LSM8: variants seen among roughly 807,000 people sequenced by gnomAD.
LSM8 encodes the protein LSM8 U6 small nuclear RNA associated.
Under a neutral mutation model 15.0 loss-of-function variants are expected in LSM8, and 14 were observed. The ratio of observed to expected loss-of-function variants is 0.93; its 90% confidence interval spans 0.62 to 1.46. LSM8 has a LOEUF of 1.46. Ranked by LOEUF, LSM8 falls within the 40% of genes most tolerant of loss-of-function variation. The probability of loss-of-function intolerance (pLI) is 0.00; values close to 1 mark genes in which losing one functional copy is unlikely to be tolerated. For synonymous variants in LSM8, 50 were observed against 42.1 expected (o/e 1.19, Z -0.73); for missense variants, 90 against 115.4 (o/e 0.78, Z 1.01).
rs534350575 is a variant in LSM8 at position 118,192,325 on chromosome 7, A to G, written c.*323A>G. 1.6e-5 allele frequency: 3 copies of G among 190,130 alleles called. No homozygotes were observed. The highest frequency in any genetic ancestry group is 1.1e-4 in the Admixed American group (2 of 17,818). The allele number at this position is 190,130 out of a possible 1,614,324, so 11.8% of individuals were successfully genotyped here. A position where few individuals can be genotyped will look rare whatever the true frequency, so the allele number is the denominator to read the frequency against. On this transcript the variant is annotated 3_prime_UTR_variant, in exon 4 of 4. Coordinates refer to ENST00000249299, the MANE Select transcript of LSM8 (RefSeq NM_016200.5). ...AGTGGAAAAGAGAAATTAGTGTGCT[A>G]TATAAATCAGGCATTCAAGTAACAG...
chr7:118,191,161 C>G (rs1808974897), intron 3 of LSM8: 1 of 151,840 alleles, frequency 6.6e-6, no homozygotes, highest in South Asian at 2.1e-4. Context: ...TAAACCCAAC[C>G]AATACTTTTT....
rs1300899092 is a variant in LSM8 at position 118,197,190 on chromosome 7, T to C, written c.*5188T>C. Among the ~76,000 whole-genome samples, 1 of 102,052 alleles carries C rather than the reference T, an allele frequency of 9.8e-6. No homozygotes were observed. Among genetic ancestry groups the C allele is most frequent in the Non-Finnish European group, 2.0e-5 (1 of 50,692 alleles). The allele number at this position is 102,052 out of a possible 152,430, so 67.0% of individuals were successfully genotyped here. A position where few individuals can be genotyped will look rare whatever the true frequency, so the allele number is the denominator to read the frequency against. ...TTACACTGCATATATTTTGCTATTA[T>C]GTAGGTTTTTTTTTTTTTTCCACAT... On this transcript the variant is annotated 3_prime_UTR_variant, in exon 4 of 4. Coordinates refer to ENST00000249299, the MANE Select transcript of LSM8 (RefSeq NM_016200.5).
rs904623462 is a variant in LSM8, at chr7:118,194,657, A to G, written c.*2655A>G. Among the ~76,000 whole-genome samples, 1 of 152,106 alleles carries G rather than the reference A, an allele frequency of 6.6e-6. No homozygotes were observed. Among genetic ancestry groups the G allele is most frequent in the Non-Finnish European group, 1.5e-5 (1 of 67,996 alleles). On this transcript the variant is annotated 3_prime_UTR_variant, in exon 4 of 4. Transcript: ENST00000249299. ...GCAAATACAGAATAACGATGTCAACATTTTCCTCAGCCGTGTAACCTGAGA... is the reference window on the plus strand; with the variant it reads ...GCAAATACAGAATAACGATGTCAACGTTTTCCTCAGCCGTGTAACCTGAGA...
intron 2 of LSM8, among the ~76,000 whole-genome samples, chr7:118,186,231 TATGTC>T (rs1282725567): frequency 6.6e-6 from 1 of 152,192 alleles, no homozygotes; most frequent in Admixed American, 6.5e-5. Flanking sequence ...CTTGCTAATT[TATGTC>T]ATATAACTAA....
Position 118,191,992 on chromosome 7 carries a change from T to G in LSM8, c.281T>G (p.Val94Gly). Reference protein sequence around the residue: ...GNIRAEPLNSVAH With the variant: ...GNIRAEPLNSGAH ...ATTCGAGCAGAACCTTTAAATTCTG[T>G]AGCACACTGAGGAAAAACTACATAC... is the stretch of plus-strand genomic sequence containing the variant. The change falls in exon 4 of 4, where the codon GTA becomes GGA. Residue 94 changes from valine (V) to glycine (G), a missense_variant. By Grantham distance (109) the Val-to-Gly change is moderately radical. Coordinates refer to ENST00000249299, the MANE Select transcript of LSM8 (RefSeq NM_016200.5). 1 of 1,606,944 alleles carries G rather than the reference T, an allele frequency of 6.2e-7. No homozygotes were observed. The highest frequency in any genetic ancestry group is 1.1e-5 in the South Asian group (1 of 90,668).
rs751115452 is a variant in LSM8 at position 118,199,398 on chromosome 7, A to G, written c.*7396A>G. On this transcript the variant is annotated 3_prime_UTR_variant, in exon 4 of 4. Coordinates refer to ENST00000249299, the MANE Select transcript of LSM8 (RefSeq NM_016200.5). ...TTTAAGGGAACATGAATTTGGATGCATTGAACAGAATTGGTAACCTGAAGG... is the reference window on the plus strand; with the variant it reads ...TTTAAGGGAACATGAATTTGGATGCGTTGAACAGAATTGGTAACCTGAAGG... Among the ~76,000 whole-genome samples, 23 of 152,204 alleles carry G rather than the reference A, an allele frequency of 1.5e-4. No individual in the cohort carries two copies. The highest frequency in any genetic ancestry group is 2.6e-4 in the Non-Finnish European group (18 of 68,032).
intron 2 of LSM8, among the ~76,000 whole-genome samples, chr7:118,187,473 A>T (rs1476417233): frequency 6.6e-6 from 1 of 152,240 alleles, no homozygotes; most frequent in African/African-American, 2.4e-5. Flanking sequence ...CAATAAATCC[A>T]TATGATACAC....
In LSM8 at chr7:118,194,347, T is replaced by G. The variant is rs148337093; in HGVS notation, c.*2345T>G. Among the ~76,000 whole-genome samples the G allele has an allele frequency of 0.023, 2,853 of 126,578 alleles. 47 individuals carry two copies. The highest frequency in any genetic ancestry group is 0.033 in the Non-Finnish European group (2,015 of 60,484). The allele number at this position is 126,578 out of a possible 152,430, so 83.0% of individuals were successfully genotyped here. On this transcript the variant is annotated 3_prime_UTR_variant, in exon 4 of 4. Coordinates refer to ENST00000249299, the MANE Select transcript of LSM8 (RefSeq NM_016200.5). ...CATTAAAGTTATTTGGAAAGGGCAA[T>G]TAACTGCAAAAGGGACTTTTTTTTT...
chr7:118,185,794 A>C, intron 2 of LSM8, 100 bp downstream of exon 2: 1 of 996,570 alleles, frequency 1.0e-6, no homozygotes, highest in Non-Finnish European at 1.5e-6. Context: ...AGCACATTAC[A>C]CCCGTAGTGC....
intron 2 of LSM8, among the ~76,000 whole-genome samples, chr7:118,186,668 A>G (rs1808894656): frequency 6.6e-6 from 1 of 152,220 alleles, no homozygotes; most frequent in South Asian, 2.1e-4. Context: ...AAGGTGACTC[A>G]CTTTCTCAGA....
rs2115939121 is a variant in LSM8, at chr7:118,198,368, G to A, written c.*6366G>A. Among the ~76,000 whole-genome samples, 1 of 152,242 alleles carries A rather than the reference G, an allele frequency of 6.6e-6. No homozygotes were observed. Among genetic ancestry groups the A allele is most frequent in the South Asian group, 2.1e-4 (1 of 4,812 alleles). Reference sequence around the variant, plus strand: ...AAAACCAAATATTCTATGAAGATTGGAAGGATAATTTTAGGTCAAATGAAA... The same window carrying A: ...AAAACCAAATATTCTATGAAGATTGAAAGGATAATTTTAGGTCAAATGAAA... On this transcript the variant is annotated 3_prime_UTR_variant, in exon 4 of 4. Transcript: ENST00000249299.
rs1009014651 is a variant in LSM8, at chr7:118,198,293, G to C, written c.*6291G>C. Among the ~76,000 whole-genome samples the C allele has an allele frequency of 6.6e-6, 1 of 152,130 alleles. No homozygotes were observed. The highest frequency in any genetic ancestry group is 6.6e-5 in the Admixed American group (1 of 15,258). On this transcript the variant is annotated 3_prime_UTR_variant, in exon 4 of 4. Transcript: ENST00000249299. The stretch of plus-strand genomic sequence containing the variant: ...AAATGAGAAATGAGAATATGCCAGA[G>C]ATCTGAAATGAAGAATGGATAAGAG...
chr7:118,191,905 T>G lies in LSM8; in HGVS notation c.201-7T>G. 1 of 1,602,624 alleles carries G rather than the reference T, an allele frequency of 6.2e-7. No homozygotes were observed. The highest frequency in any genetic ancestry group is 8.5e-7 in the Non-Finnish European group (1 of 1,172,126). ...AAATGTGATTGTTTTAACTCTGACT[T>G]TTTTAGTGCAGTCATTGGAGAAATC... On this transcript the variant is annotated splice_polypyrimidine_tract_variant and splice_region_variant and intron_variant, in intron 3 of 3. Coordinates refer to ENST00000249299, the MANE Select transcript of LSM8 (RefSeq NM_016200.5).
At chr7:118,187,555 A>G (rs140910619) in intron 2 of LSM8, among the ~76,000 whole-genome samples, 1 of 152,380 alleles carries the variant, frequency 6.6e-6, no homozygotes, top group African/African-American at 2.4e-5. Context: ...ACATGTAACT[A>G]CTAGTTAAAT....
In LSM8 at chr7:118,191,921, T is replaced by C; in HGVS notation, c.210T>C (p.Ile70=). ...ACTCTGACTTTTTTAGTGCAGTCAT[T>C]GGAGAAATCGATGAAGAAACAGATT... ...YIVRGDNVAV[I]GEIDEETDSA... is the part of the protein sequence containing the mutation. The change falls in exon 4 of 4, where the codon ATT becomes ATC. Residue 70 remains isoleucine (I), a synonymous_variant. Coordinates refer to ENST00000249299, the MANE Select transcript of LSM8 (RefSeq NM_016200.5). 1 of 1,611,090 alleles carries C rather than the reference T, an allele frequency of 6.2e-7. No homozygotes were observed. Among genetic ancestry groups the C allele is most frequent in the South Asian group, 1.1e-5 (1 of 90,636 alleles).
rs758853135 is a variant in LSM8, at chr7:118,188,386, A to G, written c.181A>G (p.Ile61Val). The change falls in exon 3 of 4, where the codon ATT (isoleucine) becomes GTT (valine). Residue 61 changes from isoleucine (I) to valine (V), a missense_variant. Physicochemically the swap from Ile to Val is conservative, Grantham distance 29. Coordinates refer to ENST00000249299, the MANE Select transcript of LSM8 (RefSeq NM_016200.5). ...AGAACAAGTGGTACTAGGATTATAC[A>G]TTGTAAGAGGTGACAACGTGTAAGT... ...GVEQVVLGLY[I>V]VRGDNVAVIG... 1 of 1,612,056 alleles carries G rather than the reference A, an allele frequency of 6.2e-7. No homozygotes were observed. The highest frequency in any genetic ancestry group is 8.5e-7 in the Non-Finnish European group (1 of 1,178,620).
At position 118,202,830 on chromosome 7, in the gene LSM8, G is replaced by A. The variant is rs1032988876; in HGVS notation, c.*10828G>A. 6.6e-6 allele frequency among the ~76,000 whole-genome samples: 1 copy of A among 151,868 alleles called. No homozygotes were observed. Among genetic ancestry groups the A allele is most frequent in the Non-Finnish European group, 1.5e-5 (1 of 67,882 alleles). On this transcript the variant is annotated 3_prime_UTR_variant, in exon 4 of 4. Transcript: ENST00000249299. ...TGAAAACAACTTCTATGCCCAAACA[G>A]AATTCTTTTTTATCTCTGATATAAA...
chr7:118,189,479 T>C (rs2286861), intron 3 of LSM8: 10,425 of 150,830 alleles, frequency 0.069, 388 homozygotes, highest in East Asian at 0.11. Flanking sequence ...GCCTGGGAGG[T>C]GGAAGTTGCA....
Position 118,184,229 on chromosome 7 carries a change from G to A in LSM8, c.6G>A (p.Thr2=). The A allele has an allele frequency of 6.5e-7, 1 of 1,541,242 alleles. No homozygotes were observed. Among genetic ancestry groups the A allele is most frequent in the South Asian group, 1.2e-5 (1 of 83,738 alleles). M[T]SALENYINRT... ...GAACCGCCGGGCCGAACAGCATGACGTCCGCTTTGGAGAACTACATCAACC... is the reference window on the plus strand; with the variant it reads ...GAACCGCCGGGCCGAACAGCATGACATCCGCTTTGGAGAACTACATCAACC... The change falls in exon 1 of 4, where the codon ACG becomes ACA. Residue 2 remains threonine, a synonymous_variant. Transcript: ENST00000249299.
Sources: allele counts gnomAD v4.1 joint callset (sites outside exome capture counted in the v4.1 genomes callset), GRCh38; gene constraint gnomAD v4.1.1; transcripts MANE v1.5; gene names NCBI Gene and HGNC (gene_info 2026-07-23, HGNC 2026-07-21).